CARD9: variants seen among roughly 807,000 people sequenced by gnomAD.
CARD9 encodes the protein caspase recruitment domain-containing protein 9.
CARD9 carries 53 observed loss-of-function variants against 66.0 expected under a neutral mutation model. That is an observed-to-expected ratio of 0.80 (90% CI 0.64 to 1.01). CARD9 has a LOEUF of 1.01. Ranked by LOEUF, CARD9 falls within the 50% of genes least tolerant of loss-of-function variation. The probability of loss-of-function intolerance (pLI) is 0.00; values close to 1 mark genes in which losing one functional copy is unlikely to be tolerated. For missense variants in CARD9, 769 were observed against 743.2 expected (o/e 1.03, Z -0.40); for synonymous variants, 387 against 313.8 (o/e 1.23, Z -2.47).
chr9:136,366,592 C>T, intron 10 of CARD9: 1 of 618,710 alleles, frequency 1.6e-6, no homozygotes, highest in East Asian at 2.8e-5. Context: ...GTCCCACTAG[C>T]TGGGGCCCTG....
chr9:136,367,851 A>G, intron 7 of CARD9, 23 bp from the exon 8 acceptor site: 1 of 1,582,410 alleles, frequency 6.3e-7, no homozygotes, highest in Non-Finnish European at 8.6e-7. Context: ...CACAAGGCCG[A>G]CCCTCAGTGA....
rs955773907 is a variant in CARD9, at chr9:136,364,095, C to A, written c.*207G>T. 1 of 1,550,378 alleles carries A rather than the reference C, an allele frequency of 6.5e-7. No individual in the cohort carries two copies. Among genetic ancestry groups the A allele is most frequent in the Non-Finnish European group, 8.7e-7 (1 of 1,146,874 alleles). ...GGCGTGTGCATGGGGGTGGTGAGCA[C>A]CCGCATGGCCTCCGCAAAATGAGTG... On this transcript the variant is annotated 3_prime_UTR_variant, in exon 13 of 13. Transcript: ENST00000371732.
chr9:136,369,631 C>G, intron 7 of CARD9, 119 bp downstream of exon 7: 2 of 1,515,518 alleles, frequency 1.3e-6, no homozygotes, highest in Non-Finnish European at 1.8e-6. Flanking sequence ...ATAGCAAGAC[C>G]CCATCTCAAA....
At position 136,371,366 on chromosome 9, in the gene CARD9, C is replaced by T. The variant is rs755827252; in HGVS notation, c.280G>A (p.Val94Ile). 3.1e-6 allele frequency: 5 copies of T among 1,601,830 alleles called. No homozygotes were observed. Among genetic ancestry groups the T allele is most frequent in the African/African-American group, 1.3e-5 (1 of 74,780 alleles). The stretch of plus-strand genomic sequence containing the variant: ...ACGCGGGCCGGCTCCTTGCCTGTGA[C>T]CTTCTTGTACAGCTGCGGGTAGTAG... ...ELYYPQLYKK[V>I]TGKEPARVFS... The change falls in exon 3 of 13, where the codon GTC becomes ATC. Residue 94 changes from valine to isoleucine, a missense_variant. Val to Ile is a conservative substitution (Grantham distance 29). Coordinates refer to ENST00000371732, the MANE Select transcript of CARD9 (RefSeq NM_052813.5).
chr9:136,370,572 C>T lies in CARD9; in HGVS notation c.757G>A (p.Glu253Lys), dbSNP rs748703154. 2.5e-6 allele frequency: 4 copies of T among 1,611,122 alleles called. No individual in the cohort carries two copies. Among genetic ancestry groups the T allele is most frequent in the Non-Finnish European group, 3.4e-6 (4 of 1,179,178 alleles). ...SQELLWELQQ[E>K]KALLQARVQE... ...ACCCGGGCCTGGAGCAGGGCCTTCTCCTGCTGCAGCTCCCACAGCAGCTCC... is the reference window on the plus strand; with the variant it reads ...ACCCGGGCCTGGAGCAGGGCCTTCTTCTGCTGCAGCTCCCACAGCAGCTCC... The change falls in exon 5 of 13, where the codon GAG (glutamate) becomes AAG (lysine). Residue 253 changes from glutamate to lysine, a missense_variant. Physicochemically the swap from Glu to Lys is moderately conservative, Grantham distance 56. Coordinates refer to ENST00000371732, the MANE Select transcript of CARD9 (RefSeq NM_052813.5).
In CARD9 at chr9:136,370,411, G is replaced by A. The variant is rs1196618336; in HGVS notation, c.834C>T (p.Pro278=). The part of the protein sequence containing the change: ...VQEGKLDRSS[P]YIQVLEEDWR... ...AGTCCTCCTCCAGTACCTGGATGTAGGGGCTGCTCCTGTCCAGCTTCCCCT... is the reference window on the plus strand; with the variant it reads ...AGTCCTCCTCCAGTACCTGGATGTAAGGGCTGCTCCTGTCCAGCTTCCCCT... The change falls in exon 6 of 13, where the codon CCC becomes CCT. Residue 278 remains proline (P), a synonymous_variant. Coordinates refer to ENST00000371732, the MANE Select transcript of CARD9 (RefSeq NM_052813.5). 1 of 1,611,038 alleles carries A rather than the reference G, an allele frequency of 6.2e-7. No individual in the cohort carries two copies. The highest frequency in any genetic ancestry group is 8.5e-7 in the Non-Finnish European group (1 of 1,179,356).
chr9:136,371,861 G>A (rs372312986), intron 2 of CARD9, 34 bp downstream of exon 2: 200 of 1,569,928 alleles, frequency 1.3e-4, no homozygotes, highest in Non-Finnish European at 1.7e-4. Context: ...CTGTGGTTGG[G>A]TTTGGGGCCT....
At chr9:136,365,246 C>A (rs1349137084) in intron 10 of CARD9, 29 bp from the exon 11 acceptor site, 1 of 1,601,578 alleles carries the variant, frequency 6.2e-7, no homozygotes, top group East Asian at 2.2e-5. Context: ...CCTGTGGGAC[C>A]TGCCCATCTG....
At chr9:136,365,350 G>T in intron 10 of CARD9, 133 bp from the exon 11 acceptor site, 2 of 793,566 alleles carry the variant, frequency 2.5e-6, no homozygotes, top group Non-Finnish European at 4.2e-6. Flanking sequence ...TGGGTCCAGT[G>T]TAGACTCTGC....
rs1390849693 is a variant in CARD9, at chr9:136,365,326, G to A, written c.1358-109C>T. The A allele has an allele frequency of 2.5e-5, 26 of 1,030,948 alleles. 2 individuals are homozygous for A. The South Asian group carries it at 3.1e-4, about 12-fold the overall frequency. The allele number at this position is 1,030,948 out of a possible 1,614,324, so 63.9% of individuals were successfully genotyped here. ...CAGTGGGGCTGTCTTCCAAGGCCTG[G>A]TGGGATCCCCACATGGGTCCAGTGT... On this transcript the variant is annotated intron_variant, in intron 10 of 12. Transcript: ENST00000371732.
Position 136,369,887 on chromosome 9 carries a change from G to A in CARD9, c.952-12C>T, listed in dbSNP as rs541356831. On this transcript the variant is annotated splice_polypyrimidine_tract_variant and intron_variant, in intron 6 of 12. Coordinates refer to ENST00000371732, the MANE Select transcript of CARD9 (RefSeq NM_052813.5). The stretch of plus-strand genomic sequence containing the variant: ...TTCTCCTCCATGCACTGCAGGGGGC[G>A]GCAGCTCAGCCCCCACAGGCCTGAG... 6.0e-5 allele frequency: 97 copies of A among 1,610,882 alleles called. 1 individual carries two copies. The highest frequency in any genetic ancestry group is 1.6e-4 in the African/African-American group (12 of 75,064).
At chr9:136,364,965 A>C in intron 11 of CARD9, 176 bp downstream of exon 11, 2 of 615,652 alleles carry the variant, frequency 3.2e-6, no homozygotes, top group South Asian at 3.9e-5. Flanking sequence ...AGAAAGGGGG[A>C]TCCACTTCGC....
Position 136,367,751 on chromosome 9 carries a change from C to T in CARD9, c.1155G>A (p.Val385=), listed in dbSNP as rs1167258043. 1.2e-6 allele frequency: 2 copies of T among 1,605,396 alleles called. No individual in the cohort carries two copies. The highest frequency in any genetic ancestry group is 2.2e-5 in the East Asian group (1 of 44,868). Residue 385 remains valine, a synonymous_variant, in exon 8 of 13, where the codon GTG becomes GTA. Coordinates refer to ENST00000371732, the MANE Select transcript of CARD9 (RefSeq NM_052813.5). ...LQEKDALRKQ[V]RELGEKADEL... The stretch of plus-strand genomic sequence containing the variant: ...CATCCGCCTTCTCGCCCAGCTCCCG[C>T]ACCTGCTTGCGCAGCGCGTCCTTCT...
chr9:136,371,525 G>A, intron 2 of CARD9, 64 bp from the exon 3 acceptor site: 1 of 862,968 alleles, frequency 1.2e-6, no homozygotes, highest in Non-Finnish European at 1.9e-6. Context: ...GGGGTGGGTG[G>A]GCCTGGGGGC....
intron 3 of CARD9, 60 bp downstream of exon 3, chr9:136,371,264 C>T (rs866595787): frequency 3.2e-5 from 50 of 1,574,682 alleles, no homozygotes; most frequent in Middle Eastern, 1.7e-4. Flanking sequence ...GAGGACCCAA[C>T]ACCACTGCCC....
Position 136,367,694 on chromosome 9 carries a change from C to A in CARD9, c.1212G>T (p.Ala404=). The A allele has an allele frequency of 6.2e-7, 1 of 1,602,056 alleles. No homozygotes were observed. The highest frequency in any genetic ancestry group is 8.5e-7 in the Non-Finnish European group (1 of 1,178,678). ...ELQLQVFQCE[A]QLLAVEGRLR... is the part of the protein sequence containing the mutation. Reference sequence around the variant, plus strand: ...GCCTGCCCTCCACGGCCAGTAGCTGCGCCTCACACTGGAACACCTGCAGCT... The same window carrying A: ...GCCTGCCCTCCACGGCCAGTAGCTGAGCCTCACACTGGAACACCTGCAGCT... The change falls in exon 8 of 13, where the codon GCG becomes GCT. Residue 404 remains alanine, a synonymous_variant. Transcript: ENST00000371732.
chr9:136,371,555 C>T, intron 2 of CARD9, 94 bp from the exon 3 acceptor site: 2 of 1,502,016 alleles, frequency 1.3e-6, no homozygotes, highest in Non-Finnish European at 8.9e-7. Flanking sequence ...TGGAGGCTGG[C>T]ATGCAGATGA....
In CARD9 at chr9:136,370,858, G is replaced by A. The variant is rs756583189; in HGVS notation, c.610C>T (p.Arg204Cys). Reference sequence around the variant, plus strand: ...GGGCGCACCTCCAGCTGCAGGTCACGGTTCCGCATGAGCGCGGCGCCCTTC... The same window carrying A: ...GGGCGCACCTCCAGCTGCAGGTCACAGTTCCGCATGAGCGCGGCGCCCTTC... The part of the protein sequence containing the change: ...EEKGAALMRN[R>C]DLQLEIDQLK... Residue 204 changes from arginine to cysteine, a missense_variant, in exon 4 of 13, where the codon CGT (arginine) becomes TGT (cysteine). Physicochemically the swap from Arg to Cys is radical, Grantham distance 180. Transcript: ENST00000371732. The A allele has an allele frequency of 5.0e-6, 8 of 1,598,686 alleles. No individual in the cohort carries two copies. In the East Asian group the frequency reaches 9.0e-5, roughly 18 times the overall value.
chr9:136,371,768 AG>A, intron 2 of CARD9, 126 bp downstream of exon 2: 3 of 1,443,808 alleles, frequency 2.1e-6, no homozygotes, highest in South Asian at 2.7e-5. Context: ...GGCCTCAGTC[AG>A]AGGCCAGGGG....
Sources: allele counts gnomAD v4.1 joint callset, GRCh38; gene constraint gnomAD v4.1.1; transcripts MANE v1.5; gene names NCBI Gene and HGNC (gene_info 2026-07-23, HGNC 2026-07-21).